Variants in CSGALNACT1 observed in about 807,000 individuals in gnomAD.
The protein encoded by CSGALNACT1 is chondroitin sulfate N-acetylgalactosaminyltransferase 1.
A neutral mutation model predicts 51.0 loss-of-function variants in CSGALNACT1; 52 were observed. The ratio of observed to expected loss-of-function variants is 1.02; its 90% CI spans 0.82 to 1.29. The LOEUF (loss-of-function observed/expected upper bound fraction) is 1.29, where lower values mean the gene tolerates loss of function less well. Ranked by LOEUF, CSGALNACT1 falls within the 50% of genes most tolerant of loss-of-function variation. The pLI, the probability that CSGALNACT1 is intolerant of heterozygous loss-of-function variation, is 0.00. For synonymous variants in CSGALNACT1, 341 were observed against 254.4 expected, an observed-to-expected ratio of 1.34 and a Z score of -3.24; for missense variants, 935 against 679.2, an observed-to-expected ratio of 1.38 and a Z score of -4.19.
intron 1 of CSGALNACT1, among the ~76,000 whole-genome samples, chr8:19,666,785 A>AG (rs2059224293): frequency 8.9e-5 from 2 of 22,428 alleles, no homozygotes; most frequent in Admixed American, 6.2e-4. Context: ...GAAAGAAAGA[A>AG]AGAAAGAAAG....
rs537375851 is a variant in CSGALNACT1 at position 19,643,550 on chromosome 8, G to A, written c.-544+38923C>T. 2.7e-3 allele frequency among the ~76,000 whole-genome samples: 404 copies of A among 151,882 alleles called. 2 individuals are homozygous for A. Among genetic ancestry groups the A allele is most frequent in the Non-Finnish European group, 4.2e-3 (284 of 67,966 alleles). On this transcript the variant is annotated intron_variant, in intron 1 of 9. Coordinates refer to the CSGALNACT1 transcript ENST00000332246. ...CTACTTGGGAGGCTAAGACAAAAGA[G>A]TTGCTTGAGCCTGGGACACAGAGGT...
intron 1 of CSGALNACT1, among the ~76,000 whole-genome samples, chr8:19,610,617 A>G: frequency 6.6e-6 from 1 of 152,086 alleles, no homozygotes; most frequent in East Asian, 1.9e-4. Context: ...AAGGAGAACA[A>G]TGCAGAGTTT....
chr8:19,641,536 G>C (rs573480951), intron 1 of CSGALNACT1, among the ~76,000 whole-genome samples: 1 of 152,166 alleles, frequency 6.6e-6, no homozygotes, highest in East Asian at 1.9e-4. Flanking sequence ...GTCCACAGGA[G>C]TGGACACGAT....
chr8:19,419,781 T>C (rs966273173), intron 7 of CSGALNACT1, among the ~76,000 whole-genome samples: 2 of 152,154 alleles, frequency 1.3e-5, no homozygotes, highest in Admixed American at 6.5e-5. Context: ...CCCAGAATTA[T>C]GGTGGCTGAC....
At chr8:19,429,961 G>A (rs940564588) in intron 6 of CSGALNACT1, among the ~76,000 whole-genome samples, 1 of 152,208 alleles carries the variant, frequency 6.6e-6, no homozygotes, top group Admixed American at 6.5e-5. Context: ...CATTTTTCTA[G>A]TGACTAATGA....
chr8:19,702,050 T>C (rs562203826), intron 1 of CSGALNACT1, among the ~76,000 whole-genome samples: 9 of 152,366 alleles, frequency 5.9e-5, no homozygotes, highest in Non-Finnish European at 1.2e-4. Flanking sequence ...ATTGGCTTCA[T>C]AAGTGCCTAC....
At chr8:19,476,064 C>T (rs1299639043) in intron 4 of CSGALNACT1, among the ~76,000 whole-genome samples, 3 of 152,110 alleles carry the variant, frequency 2.0e-5, no homozygotes, top group African/African-American at 7.2e-5. Flanking sequence ...CCTACAGTAA[C>T]TTTATTAATG....
chr8:19,565,635 C>T (rs1293431442), intron 3 of CSGALNACT1, among the ~76,000 whole-genome samples: 1 of 152,132 alleles, frequency 6.6e-6, no homozygotes, highest in Non-Finnish European at 1.5e-5. Context: ...TAAAGAACTT[C>T]AGGCCGGGCA....
chr8:19,451,565 G>T (rs1040929054), intron 5 of CSGALNACT1, among the ~76,000 whole-genome samples: 1 of 152,164 alleles, frequency 6.6e-6, no homozygotes, highest in Non-Finnish European at 1.5e-5. Flanking sequence ...GCACAAAGAC[G>T]TGGCCTTTGC....
At chr8:19,657,004 A>C (rs1213068782) in intron 1 of CSGALNACT1, among the ~76,000 whole-genome samples, 2 of 151,460 alleles carry the variant, frequency 1.3e-5, no homozygotes. Flanking sequence ...CAGAGGTTGC[A>C]GTGAGCCGAA....
chr8:19,605,791 A>C (rs1055683304), upstream of CSGALNACT1, among the ~76,000 whole-genome samples: 2 of 152,228 alleles, frequency 1.3e-5, no homozygotes, highest in African/African-American at 2.4e-5. Flanking sequence ...TCTATAAATA[A>C]ACCTGCTTTT....
At chr8:19,590,095 T>C (rs1419061206) in intron 3 of CSGALNACT1, among the ~76,000 whole-genome samples, 1 of 152,324 alleles carries the variant, frequency 6.6e-6, no homozygotes. Flanking sequence ...TATCTCTGCC[T>C]CCTGCCCAAG....
intron 8 of CSGALNACT1, among the ~76,000 whole-genome samples, chr8:19,410,356 T>A (rs1433755762): frequency 1.3e-5 from 2 of 152,222 alleles, no homozygotes; most frequent in African/African-American, 4.8e-5. Context: ...AGTCATTTTT[T>A]AAAATATGGA....
In CSGALNACT1 at chr8:19,473,801, T is replaced by C. The variant is rs149913133; in HGVS notation, c.635-15159A>G. 5.9e-3 allele frequency among the ~76,000 whole-genome samples: 906 copies of C among 152,312 alleles called. 8 individuals carry two copies. Among genetic ancestry groups the C allele is most frequent in the African/African-American group, 0.019 (808 of 41,568 alleles). The stretch of plus-strand genomic sequence containing the variant: ...ATCCACTGGATATTTGGGGAAAATA[T>C]ATATGTATTTCTGTGGAACTTCTAA... On this transcript the variant is annotated intron_variant, in intron 4 of 9. Coordinates refer to ENST00000454498, the Ensembl canonical transcript of CSGALNACT1.
intron 5 of CSGALNACT1, among the ~76,000 whole-genome samples, chr8:19,450,440 C>T (rs1321043883): frequency 1.3e-5 from 2 of 152,064 alleles, no homozygotes; most frequent in Admixed American, 6.5e-5. Context: ...CCCTCTGTTA[C>T]CAGCCACAGG....
chr8:19,549,737 A>C (rs2087475286), intron 3 of CSGALNACT1, among the ~76,000 whole-genome samples: 1 of 143,786 alleles, frequency 7.0e-6, no homozygotes, highest in Non-Finnish European at 1.5e-5. Flanking sequence ...GAGGAGGCTA[A>C]TTTTTGAGAC....
rs76710357 is a variant in CSGALNACT1 at position 19,650,549 on chromosome 8, A to G, written c.-544+31924T>C. The stretch of plus-strand genomic sequence containing the variant: ...AATGGGCACCAACAATATGCTCAGC[A>G]ATGGTCGAACAGAAGATGCTGATGA... On this transcript the variant is annotated intron_variant, in intron 1 of 9. Transcript: ENST00000332246. 6.7e-3 allele frequency among the ~76,000 whole-genome samples: 1,016 copies of G among 152,266 alleles called. 11 individuals are homozygous for G. Among genetic ancestry groups the G allele is most frequent in the African/African-American group, 0.023 (964 of 41,544 alleles).
In CSGALNACT1 at chr8:19,414,887, G is replaced by A. The variant is rs115064306; in HGVS notation, c.1227+3769C>T. ...TAGGTACCATCTCTTTCAAGACTGA[G>A]TCAGAACGTACCCTTAGTAGGAAGT... On this transcript the variant is annotated intron_variant, in intron 8 of 9. Transcript: ENST00000454498. Among the ~76,000 whole-genome samples the A allele has an allele frequency of 9.5e-3, 1,454 of 152,290 alleles. 22 individuals carry two copies. Among genetic ancestry groups the A allele is most frequent in the African/African-American group, 0.033 (1,377 of 41,552 alleles).
At chr8:19,694,198 C>G (rs192870180) in intron 1 of CSGALNACT1, among the ~76,000 whole-genome samples, 19 of 152,258 alleles carry the variant, frequency 1.2e-4, no homozygotes, top group Middle Eastern at 3.4e-3. Context: ...TCACAACTTT[C>G]CACTTCCTTT....
Sources: gnomAD v4.1 joint callset for allele counts (sites outside exome capture counted in the v4.1 genomes callset) on GRCh38, gnomAD v4.1.1 for gene constraint, MANE v1.5 for transcripts, NCBI Gene and HGNC (gene_info 2026-07-23, HGNC 2026-07-21) for gene names.